The following SLC35F4 variants were observed in gnomAD, a reference collection of about 807,000 sequenced individuals.
SLC35F4 encodes the protein chromosome 14 open reading frame 36.
In SLC35F4, 24 loss-of-function variants were observed where a neutral mutation model predicts 44.2. That is an observed-to-expected ratio of 0.54 (90% CI 0.39 to 0.76). The LOEUF (loss-of-function observed/expected upper bound fraction) is 0.76. Among genes scored for constraint, SLC35F4 ranks in the 30% least tolerant of loss-of-function variants. SLC35F4 has a pLI of 0.00. For synonymous variants in SLC35F4, 238 were observed against 223.6 expected (o/e 1.06, Z -0.57); for missense variants, 562 against 586.1 (o/e 0.96, Z 0.42).
chr14:57,577,949 A>G (rs949446513), intron 4 of SLC35F4, among the ~76,000 whole-genome samples: 1 of 152,208 alleles, frequency 6.6e-6, no homozygotes, highest in Admixed American at 6.5e-5. Flanking sequence ...ACTTCATACT[A>G]AATGTAAAAC....
At chr14:57,702,330 T>TAAA (rs2075563199) in intron 1 of SLC35F4, among the ~76,000 whole-genome samples, 5 of 66,024 alleles carry the variant, frequency 7.6e-5, no homozygotes, top group Admixed American at 2.5e-4. Flanking sequence ...ATCATTTTCT[T>TAAA]TAAAAAAAAA....
intron 1 of SLC35F4, 118 bp downstream of exon 1, chr14:57,865,605 A>C (rs1225987197): frequency 2.6e-6 from 2 of 755,526 alleles, no homozygotes; most frequent in Non-Finnish European, 4.0e-6. Flanking sequence ...CGGTGTTGAC[A>C]GCGTCCGCAG....
chr14:57,908,705 T>C (rs1451976749), intron 1 of SLC35F4, among the ~76,000 whole-genome samples: 1 of 152,218 alleles, frequency 6.6e-6, no homozygotes, highest in Non-Finnish European at 1.5e-5. Context: ...ATGGATAGAT[T>C]GCAAAAATTT....
At chr14:57,646,305 G>A (rs1280522712) in intron 1 of SLC35F4, among the ~76,000 whole-genome samples, 1 of 152,150 alleles carries the variant, frequency 6.6e-6, no homozygotes, top group Non-Finnish European at 1.5e-5. Context: ...TTCAGAGCCT[G>A]TTATTGTTCT....
chr14:57,810,978 C>G (rs78413600), intron 1 of SLC35F4, among the ~76,000 whole-genome samples: 4,371 of 152,222 alleles, frequency 0.029, 79 homozygotes, highest in Non-Finnish European at 0.045. Flanking sequence ...GTCCCAAATC[C>G]CAGTTTTTGA....
chr14:57,832,127 G>A (rs557195885), intron 1 of SLC35F4, among the ~76,000 whole-genome samples: 9 of 152,234 alleles, frequency 5.9e-5, no homozygotes, highest in African/African-American at 2.2e-4. Flanking sequence ...TGGAGAAGTT[G>A]GCCAGGGTTG....
Position 57,950,675 on chromosome 14 carries a change from C to CTTTTTTT in SLC35F4, n.282+31231_282+31237dup, listed in dbSNP as rs59027196. Among the ~76,000 whole-genome samples the CTTTTTTT allele has an allele frequency of 1.6e-3, 204 of 127,162 alleles. 8 individuals are homozygous for CTTTTTTT. The highest frequency in any genetic ancestry group is 4.6e-3 in the African/African-American group (144 of 31,324). The allele number at this position is 127,162 out of a possible 152,430, so 83.4% of individuals were successfully genotyped here. On this transcript the variant is annotated intron_variant and non_coding_transcript_variant, in intron 1 of 1. Coordinates refer to the SLC35F4 transcript ENST00000556568. The stretch of plus-strand genomic sequence containing the variant: ...GACTCTTTGTTTCTTTTCTTTCTTT[C>CTTTTTTT]TTTTTTTTTTTTGAGACAGAGTCTT...
Position 57,685,172 on chromosome 14 carries a change from G to A in SLC35F4, c.104-91048C>T, listed in dbSNP as rs1286410634. Reference sequence around the variant, plus strand: ...GGTTATATCTTTAGTGCAGATAAGGGTAAGCAGTATTATTATTAACTCTGT... The same window carrying A: ...GGTTATATCTTTAGTGCAGATAAGGATAAGCAGTATTATTATTAACTCTGT... On this transcript the variant is annotated intron_variant, in intron 1 of 7. Coordinates refer to ENST00000556826, the MANE Select transcript of SLC35F4 (RefSeq NM_001306087.2). Among the ~76,000 whole-genome samples, 4 of 152,274 alleles carry A rather than the reference G, an allele frequency of 2.6e-5. No homozygotes were observed. The East Asian group carries it at 7.7e-4, about 29-fold the overall frequency.
At chr14:57,804,830 C>A (rs1466067169) in intron 1 of SLC35F4, among the ~76,000 whole-genome samples, 1 of 152,100 alleles carries the variant, frequency 6.6e-6, no homozygotes, top group Non-Finnish European at 1.5e-5. Context: ...AGTGAACAGA[C>A]AACCTAAAGA....
At chr14:57,609,219 C>T (rs917876575) in intron 1 of SLC35F4, among the ~76,000 whole-genome samples, 8 of 152,056 alleles carry the variant, frequency 5.3e-5, no homozygotes, top group East Asian at 3.9e-4. Flanking sequence ...GATAATTCAG[C>T]GTAGTTTTAT....
chr14:57,961,804 G>C (rs1890343825), intron 1 of SLC35F4, among the ~76,000 whole-genome samples: 1 of 152,088 alleles, frequency 6.6e-6, no homozygotes, highest in African/African-American at 2.4e-5. Flanking sequence ...CATTCCTCAA[G>C]CCTCAGCCCT....
At chr14:57,728,721 C>T (rs2076274996) in intron 1 of SLC35F4, among the ~76,000 whole-genome samples, 1 of 152,056 alleles carries the variant, frequency 6.6e-6, no homozygotes, top group African/African-American at 2.4e-5. Flanking sequence ...CCTTGGCCTC[C>T]CAAAGTGCTG....
chr14:57,564,469 C>T, intron 7 of SLC35F4, 93 bp from the exon 8 acceptor site: 1 of 1,471,014 alleles, frequency 6.8e-7, no homozygotes, highest in Non-Finnish European at 9.1e-7. Flanking sequence ...TAGAGATTTC[C>T]AAGAGTCTTC....
At chr14:57,842,669 C>G (rs554320985) in intron 1 of SLC35F4, among the ~76,000 whole-genome samples, 22 of 152,260 alleles carry the variant, frequency 1.4e-4, no homozygotes, top group Non-Finnish European at 2.6e-4. Flanking sequence ...TGCACTCTCA[C>G]AGCCGGCTAC....
intron 1 of SLC35F4, among the ~76,000 whole-genome samples, chr14:57,714,847 GAC>G (rs2075900344): frequency 6.6e-6 from 1 of 152,222 alleles, no homozygotes; most frequent in African/African-American, 2.4e-5. Flanking sequence ...CAGAAGGACA[GAC>G]ACTTATTTTG....
chr14:57,621,146 C>T (rs1231028463), intron 1 of SLC35F4, among the ~76,000 whole-genome samples: 1 of 151,640 alleles, frequency 6.6e-6, no homozygotes, highest in African/African-American at 2.4e-5. Context: ...AACTACAAAC[C>T]ACTGCTCAAT....
chr14:57,709,768 G>A (rs2075772085), intron 1 of SLC35F4, among the ~76,000 whole-genome samples: 1 of 152,134 alleles, frequency 6.6e-6, no homozygotes, highest in Non-Finnish European at 1.5e-5. Context: ...AAGGTATCTG[G>A]TAGAAGAAAT....
At chr14:57,948,725 A>G (rs978460661) in intron 1 of SLC35F4, among the ~76,000 whole-genome samples, 1 of 152,096 alleles carries the variant, frequency 6.6e-6, no homozygotes, top group Non-Finnish European at 1.5e-5. Context: ...AGGTTTTGAT[A>G]AGTTGTGACA....
chr14:57,907,108 A>T (rs1176007571), intron 1 of SLC35F4, among the ~76,000 whole-genome samples: 1 of 152,182 alleles, frequency 6.6e-6, no homozygotes, highest in Non-Finnish European at 1.5e-5. Flanking sequence ...TAGATATGGG[A>T]ATCTCTCTTG....
Sources: gnomAD v4.1 joint callset for allele counts (sites outside exome capture counted in the v4.1 genomes callset) on GRCh38, gnomAD v4.1.1 for gene constraint, MANE v1.5 for transcripts, NCBI Gene and HGNC (gene_info 2026-07-23, HGNC 2026-07-21) for gene names.